Variants in DCBLD1 observed in about 807,000 individuals in gnomAD.
DCBLD1 encodes discoidin, CUB and LCCL domain-containing protein 1.
Under a neutral mutation model 71.5 loss-of-function variants are expected in DCBLD1, and 57 were observed. That is an observed-to-expected ratio of 0.80 (90% CI 0.64 to 0.99). DCBLD1 has a LOEUF of 0.99. DCBLD1 is among the 50% of genes least tolerant of loss of function. The pLI is 0.00. For missense variants in DCBLD1, 891 were observed against 923.5 expected (o/e 0.96, Z 0.46); for synonymous variants, 380 against 363.8 (o/e 1.04, Z -0.51).
intron 1 of DCBLD1, among the ~76,000 whole-genome samples, chr6:117,501,190 T>TA (rs2114414900): frequency 6.6e-6 from 1 of 152,292 alleles, no homozygotes; most frequent in Non-Finnish European, 1.5e-5. Flanking sequence ...AATAAATGCT[T>TA]ACAAAGGTAG....
At chr6:117,545,359 AT>A (rs1779232090) in intron 13 of DCBLD1, 118 bp from the exon 14 acceptor site, 1 of 1,367,448 alleles carries the variant, frequency 7.3e-7, no homozygotes, top group African/African-American at 1.4e-5. Flanking sequence ...TGAGGAGGAC[AT>A]TGATCACTGT....
intron 1 of DCBLD1, among the ~76,000 whole-genome samples, chr6:117,497,703 C>T (rs11153661): frequency 5.9e-5 from 9 of 152,198 alleles, no homozygotes; most frequent in African/African-American, 2.2e-4. Flanking sequence ...CTACAGTATA[C>T]TAAGTTCCTA....
chr6:117,558,688 A>C (rs1198454406), intron 14 of DCBLD1, among the ~76,000 whole-genome samples: 1 of 152,192 alleles, frequency 6.6e-6, no homozygotes, highest in Non-Finnish European at 1.5e-5. Context: ...GACATGCTTA[A>C]TTCCTCTAGC....
chr6:117,505,920 G>A (rs1242090229), intron 2 of DCBLD1, among the ~76,000 whole-genome samples: 2 of 152,090 alleles, frequency 1.3e-5, no homozygotes, highest in African/African-American at 4.8e-5. Flanking sequence ...AGGTTCTTGA[G>A]CTTTCAAGCT....
At chr6:117,547,449 C>T (rs151164282) in intron 14 of DCBLD1, among the ~76,000 whole-genome samples, 76 of 152,276 alleles carry the variant, frequency 5.0e-4, no homozygotes, top group African/African-American at 1.8e-3. Flanking sequence ...TGGCATCATC[C>T]TCACTGTCAC....
chr6:117,549,313 AAAAC>A lies in DCBLD1; in HGVS notation c.*878_*881del, dbSNP rs1288024329. The stretch of plus-strand genomic sequence containing the variant: ...TTTCGTGACTTCCGCTGTCCTCTGA[AAAAC>A]AAAGTTATTTGGAACATGTTCATGC... On this transcript the variant is annotated 3_prime_UTR_variant, in exon 15 of 15. Coordinates refer to ENST00000338728, the MANE Select transcript of DCBLD1 (RefSeq NM_001366458.2). 1.8e-5 allele frequency: 18 copies of A among 985,440 alleles called. No individual in the cohort carries two copies. The highest frequency in any genetic ancestry group is 2.2e-5 in the Non-Finnish European group (18 of 829,934). 61.0% of individuals were successfully genotyped at this position (985,440 alleles called of 1,614,324 possible). A position where few individuals can be genotyped will look rare whatever the true frequency, so the allele number is the denominator to read the frequency against.
intron 1 of DCBLD1, among the ~76,000 whole-genome samples, chr6:117,490,093 G>GCACACA (rs34912807): frequency 0.016 from 2,351 of 147,284 alleles, 30 homozygotes; most frequent in Middle Eastern, 0.05. Flanking sequence ...TTATGTAAAT[G>GCACACA]CACACACACA....
chr6:117,549,550 AAAGAGGG>A lies in DCBLD1; in HGVS notation c.*1115_*1121del. The A allele has an allele frequency of 1.0e-6, 1 of 985,382 alleles. No individual in the cohort carries two copies. Among genetic ancestry groups the A allele is most frequent in the Non-Finnish European group, 1.2e-6 (1 of 829,930 alleles). 61.0% of individuals were successfully genotyped at this position (985,382 alleles called of 1,614,324 possible). On this transcript the variant is annotated 3_prime_UTR_variant, in exon 15 of 15. Coordinates refer to ENST00000338728, the MANE Select transcript of DCBLD1 (RefSeq NM_001366458.2). ...TATGGGAGATTTAACCTCTTTTGCC[AAAGAGGG>A]AAGTGTGTGTGTTTTTTTAATAGAA...
At chr6:117,542,840 G>A (rs1779144958) in intron 11 of DCBLD1, among the ~76,000 whole-genome samples, 2 of 152,080 alleles carry the variant, frequency 1.3e-5, no homozygotes, top group African/African-American at 4.8e-5. Flanking sequence ...GATTTTTGGA[G>A]TTTAATATGG....
At position 117,549,562 on chromosome 6, in the gene DCBLD1, G is replaced by A. The variant is rs1779388370; in HGVS notation, c.*1123G>A. On this transcript the variant is annotated 3_prime_UTR_variant, in exon 15 of 15. Coordinates refer to ENST00000338728, the MANE Select transcript of DCBLD1 (RefSeq NM_001366458.2). The stretch of plus-strand genomic sequence containing the variant: ...AACCTCTTTTGCCAAAGAGGGAAGT[G>A]TGTGTGTTTTTTTAATAGAAAATAT... The A allele has an allele frequency of 1.0e-6, 1 of 985,314 alleles. No individual in the cohort carries two copies. The highest frequency in any genetic ancestry group is 1.2e-6 in the Non-Finnish European group (1 of 829,910). 61.0% of individuals were successfully genotyped at this position (985,314 alleles called of 1,614,324 possible).
chr6:117,563,415 C>A (rs761861929), intron 14 of DCBLD1: 1 of 1,609,558 alleles, frequency 6.2e-7, no homozygotes, highest in South Asian at 1.1e-5. Flanking sequence ...AAAGCAGACA[C>A]TTTCTGGTTT....
intron 2 of DCBLD1, among the ~76,000 whole-genome samples, chr6:117,517,642 T>C (rs182128790): frequency 6.6e-6 from 1 of 152,336 alleles, no homozygotes; most frequent in African/African-American, 2.4e-5. Flanking sequence ...TTCTGAAATC[T>C]AGGTGGAGGT....
chr6:117,538,609 T>C lies in DCBLD1; in HGVS notation c.761-11T>C. 3 of 1,613,538 alleles carry C rather than the reference T, an allele frequency of 1.9e-6. No homozygotes were observed. The highest frequency in any genetic ancestry group is 1.3e-5 in the African/African-American group (1 of 75,022). ...CTGTATCTAAAATATCTTACTGCAC[T>C]CTTTTTTCAGGTTGCAGCAGATCCT... On this transcript the variant is annotated splice_polypyrimidine_tract_variant and intron_variant, in intron 7 of 14. Coordinates refer to ENST00000338728, the MANE Select transcript of DCBLD1 (RefSeq NM_001366458.2).
chr6:117,548,156 G>T lies in DCBLD1; in HGVS notation c.1865G>T (p.Arg622Leu). Residue 622 changes from arginine (R) to leucine (L), a missense_variant, in exon 15 of 15, where the codon CGC becomes CTC. Physicochemically the swap from Arg to Leu is moderately radical, Grantham distance 102. Transcript: ENST00000338728. ...AHTFSAQSGY[R>L]VPGPQPGHKH... is the part of the protein sequence containing the mutation. ...ACGTTCTCTGCGCAGAGCGGCTACC[G>T]CGTCCCAGGGCCCCAGCCCGGCCAC... 6.5e-7 allele frequency: 1 copy of T among 1,550,080 alleles called. No individual in the cohort carries two copies. The highest frequency in any genetic ancestry group is 8.7e-7 in the Non-Finnish European group (1 of 1,146,778).
At position 117,548,673 on chromosome 6, in the gene DCBLD1, A is replaced by G; in HGVS notation, c.*234A>G. ...GTCTGTTGGGTTTTGTTGGGCTAGAAAAATGAAAATTTTCAGATGGCGTTT... is the reference window on the plus strand; with the variant it reads ...GTCTGTTGGGTTTTGTTGGGCTAGAGAAATGAAAATTTTCAGATGGCGTTT... On this transcript the variant is annotated 3_prime_UTR_variant, in exon 15 of 15. Coordinates refer to ENST00000338728, the MANE Select transcript of DCBLD1 (RefSeq NM_001366458.2). 7.1e-7 allele frequency: 1 copy of G among 1,414,196 alleles called. No individual in the cohort carries two copies. The highest frequency in any genetic ancestry group is 9.2e-7 in the Non-Finnish European group (1 of 1,090,546). 87.6% of individuals were successfully genotyped at this position (1,414,196 alleles called of 1,614,324 possible).
chr6:117,503,030 A>G (rs567371908), intron 1 of DCBLD1, among the ~76,000 whole-genome samples: 2 of 152,344 alleles, frequency 1.3e-5, no homozygotes, highest in East Asian at 1.9e-4. Flanking sequence ...TATAACACAT[A>G]GCACCTAGAA....
rs188618272 is a variant in DCBLD1, at chr6:117,483,129, C to T, written c.112+236C>T. 5.3e-3 allele frequency among the ~76,000 whole-genome samples: 806 copies of T among 152,274 alleles called. 9 individuals carry two copies. The highest frequency in any genetic ancestry group is 0.018 in the African/African-American group (741 of 41,562). On this transcript the variant is annotated intron_variant, in intron 1 of 14. Transcript: ENST00000338728. Reference sequence around the variant, plus strand: ...CGCTCCCCCACCAAACTCCTTCCTTCCCCCAAAACCAGAGAATTAACCTGG... The same window carrying T: ...CGCTCCCCCACCAAACTCCTTCCTTTCCCCAAAACCAGAGAATTAACCTGG...
chr6:117,490,093 G>GCACA (rs34912807), intron 1 of DCBLD1, among the ~76,000 whole-genome samples: 3,511 of 147,276 alleles, frequency 0.024, 99 homozygotes, highest in African/African-American at 0.069. Flanking sequence ...TTATGTAAAT[G>GCACA]CACACACACA....
rs753635108 is a variant in DCBLD1 at position 117,548,086 on chromosome 6, G to A, written c.1795G>A (p.Glu599Lys). ...GCTGCCCCTGGCGCCCCCGGAGCCC[G>A]AGTACGCCACGCCCATCGTGGAGCG... ...YALPLAPPEP[E>K]YATPIVERHV... Residue 599 changes from glutamate (E) to lysine (K), a missense_variant, in exon 15 of 15, where the codon GAG becomes AAG. Transcript: ENST00000338728. 1 of 1,549,174 alleles carries A rather than the reference G, an allele frequency of 6.5e-7. No individual in the cohort carries two copies. Among genetic ancestry groups the A allele is most frequent in the South Asian group, 1.2e-5 (1 of 83,970 alleles).
Sources: gnomAD v4.1 joint callset for allele counts (sites outside exome capture counted in the v4.1 genomes callset) on GRCh38, gnomAD v4.1.1 for gene constraint, MANE v1.5 for transcripts, NCBI Gene and HGNC (gene_info 2026-07-23, HGNC 2026-07-21) for gene names.